Variants in ZNF286A observed in about 807,000 individuals in gnomAD.
ZNF286A encodes zinc finger protein ZNF286.
A neutral mutation model predicts 49.3 loss-of-function variants in ZNF286A; 34 were observed. The observed-to-expected ratio is 0.69, with a 90% CI of 0.52 to 0.92. The LOEUF (loss-of-function observed/expected upper bound fraction) is 0.92. Ranked by LOEUF, ZNF286A falls within the 40% of genes least tolerant of loss-of-function variation. The probability of loss-of-function intolerance (pLI) is 0.00; values close to 1 mark genes in which losing one functional copy is unlikely to be tolerated. For synonymous variants in ZNF286A, 155 were observed against 200.4 expected (o/e 0.77, Z 1.91); for missense variants, 462 against 600.2 (o/e 0.77, Z 2.41).
chr17:15,704,067 T>G (rs1989995148), intron 3 of ZNF286A, among the ~76,000 whole-genome samples: 1 of 109,174 alleles, frequency 9.2e-6, no homozygotes, highest in African/African-American at 4.3e-5. Flanking sequence ...ATTATTATTA[T>G]TTTTTTTTTT....
chr17:15,704,424 G>C, intron 3 of ZNF286A: 9 of 1,607,516 alleles, frequency 5.6e-6, no homozygotes, highest in South Asian at 1.1e-5. Context: ...CGCTGGGCCC[G>C]CCGGCGCCCC....
chr17:15,715,881 C>A lies in ZNF286A; in HGVS notation c.335-178C>A. 3 of 1,455,254 alleles carry A rather than the reference C, an allele frequency of 2.1e-6. No individual in the cohort carries two copies. In the South Asian group the frequency reaches 4.3e-5, roughly 21 times the overall value. 90.1% of individuals were successfully genotyped at this position (1,455,254 alleles called of 1,614,324 possible). ...GGATAGGATGTACTTATTTTCTCTG[C>A]ATAGTCTGAGCATTTGTTTCCCTCC... On this transcript the variant is annotated intron_variant, in intron 5 of 5. Coordinates refer to ENST00000583566, the MANE Select transcript of ZNF286A (RefSeq NM_001130842.2).
At position 15,720,190 on chromosome 17, in the gene ZNF286A, T is replaced by A. The variant is rs1025078452; in HGVS notation, c.*2900T>A. 1 of 152,108 alleles carries A rather than the reference T, an allele frequency of 6.6e-6. No homozygotes were observed. The highest frequency in any genetic ancestry group is 1.5e-5 in the Non-Finnish European group (1 of 68,028). 9.4% of individuals were successfully genotyped at this position (152,108 alleles called of 1,614,324 possible). A position where few individuals can be genotyped will look rare whatever the true frequency, so the allele number is the denominator to read the frequency against. Reference sequence around the variant, plus strand: ...ATAAATCATTGGCTTCTCATGAGGTTGTCATAAGGATTAAATAAGACAATG... The same window carrying A: ...ATAAATCATTGGCTTCTCATGAGGTAGTCATAAGGATTAAATAAGACAATG... On this transcript the variant is annotated 3_prime_UTR_variant, in exon 6 of 6. Coordinates refer to ENST00000583566, the MANE Select transcript of ZNF286A (RefSeq NM_001130842.2).
At chr17:15,709,215 T>C (rs1329573355) in intron 5 of ZNF286A, among the ~76,000 whole-genome samples, 1 of 149,638 alleles carries the variant, frequency 6.7e-6, no homozygotes, top group Non-Finnish European at 1.5e-5. Flanking sequence ...CTCAGCTGGG[T>C]GTGGTGACTC....
At chr17:15,704,490 G>A in intron 3 of ZNF286A, 3 of 1,613,898 alleles carry the variant, frequency 1.9e-6, no homozygotes, top group Non-Finnish European at 1.7e-6. Flanking sequence ...AGTTCTCCAA[G>A]AGCAGGCGGC....
intron 3 of ZNF286A, among the ~76,000 whole-genome samples, chr17:15,702,935 C>T (rs1032755533): frequency 3.3e-5 from 5 of 152,154 alleles, no homozygotes; most frequent in African/African-American, 1.2e-4. Flanking sequence ...AGTTTTTCTC[C>T]TAGTGTTGGC....
In ZNF286A at chr17:15,716,635, A is replaced by G; in HGVS notation, c.911A>G (p.Lys304Arg). The G allele has an allele frequency of 6.2e-7, 1 of 1,614,150 alleles. No individual in the cohort carries two copies. The highest frequency in any genetic ancestry group is 8.5e-7 in the Non-Finnish European group (1 of 1,180,006). The change falls in exon 6 of 6, where the codon AAG (lysine) becomes AGG (arginine). Residue 304 changes from lysine to arginine, a missense_variant. Transcript: ENST00000583566. ...ATTCTCTTTGAATGCAGTGAATGCA[A>G]GAAAACCTTCACAGAAAGCTCATCC... ...TRILFECSEC[K>R]KTFTESSSLA...
chr17:15,704,442 C>G (rs1990042200), intron 3 of ZNF286A: 1 of 1,610,838 alleles, frequency 6.2e-7, no homozygotes, highest in African/African-American at 1.3e-5. Context: ...CCCCGTGGAT[C>G]TCTGTGAGCA....
chr17:15,704,773 A>C, intron 3 of ZNF286A: 1 of 1,613,958 alleles, frequency 6.2e-7, no homozygotes. Flanking sequence ...GGTGACCTGG[A>C]GGTCGGTGAG....
rs1322523566 is a variant in ZNF286A at position 15,719,066 on chromosome 17, A to G, written c.*1776A>G. On this transcript the variant is annotated 3_prime_UTR_variant, in exon 6 of 6. Transcript: ENST00000583566. The stretch of plus-strand genomic sequence containing the variant: ...GTCCAGTCACCTTGCACCAGGCCCC[A>G]CCTCCCACATTGGGGATTACAATTA... 4 of 113,164 alleles carry G rather than the reference A, an allele frequency of 3.5e-5. No individual in the cohort carries two copies. The Admixed American group carries it at 3.7e-4, about 10-fold the overall frequency. 7.0% of individuals were successfully genotyped at this position (113,164 alleles called of 1,614,324 possible).
At chr17:15,708,719 T>A (rs1460680897) in intron 5 of ZNF286A, among the ~76,000 whole-genome samples, 1 of 152,220 alleles carries the variant, frequency 6.6e-6, no homozygotes, top group African/African-American at 2.4e-5. Context: ...GTATATACTC[T>A]TGTGTCTGGC....
At chr17:15,704,328 A>AGCCCCTCC in intron 3 of ZNF286A, 1 of 1,610,818 alleles carries the variant, frequency 6.2e-7, no homozygotes, top group Non-Finnish European at 8.5e-7. Flanking sequence ...TGGGACCCTC[A>AGCCCCTCC]GCCCCTCCCA....
chr17:15,716,039 G>C lies in ZNF286A; in HGVS notation c.335-20G>C. The C allele has an allele frequency of 6.2e-7, 1 of 1,613,820 alleles. No homozygotes were observed. Among genetic ancestry groups the C allele is most frequent in the South Asian group, 1.1e-5 (1 of 91,060 alleles). ...TGAGCACAGAAAACGAAGGAAATTT[G>C]CATTTCCAATGTCTTTCAGACATGG... On this transcript the variant is annotated intron_variant, in intron 5 of 5. Transcript: ENST00000583566.
At chr17:15,704,913 C>CCGGGGG (rs1990093436) in intron 3 of ZNF286A, 1 of 1,581,570 alleles carries the variant, frequency 6.3e-7, no homozygotes, top group Non-Finnish European at 8.6e-7. Context: ...CTGCGGCCGG[C>CCGGGGG]CGGGGGCGGG....
chr17:15,704,209 G>T (rs1232532365), intron 3 of ZNF286A: 42 of 1,546,838 alleles, frequency 2.7e-5, no homozygotes, highest in Non-Finnish European at 3.2e-5. Flanking sequence ...TTGGGGTCAC[G>T]GTGGAAGGAG....
chr17:15,712,184 T>A (rs1597726277), intron 5 of ZNF286A, among the ~76,000 whole-genome samples: 1 of 152,222 alleles, frequency 6.6e-6, no homozygotes, highest in African/African-American at 2.4e-5. Flanking sequence ...AATCTCCCTA[T>A]TTTTAACTGT....
At chr17:15,705,294 C>T (rs1597711987) in intron 3 of ZNF286A, among the ~76,000 whole-genome samples, 1 of 152,230 alleles carries the variant, frequency 6.6e-6, no homozygotes, top group African/African-American at 2.4e-5. Flanking sequence ...ATACTATAAC[C>T]TACTGACCTT....
intron 4 of ZNF286A, among the ~76,000 whole-genome samples, chr17:15,707,671 G>C (rs1371753734): frequency 6.6e-6 from 1 of 152,058 alleles, no homozygotes; most frequent in Non-Finnish European, 1.5e-5. Flanking sequence ...GAAAATATTT[G>C]TATTTTCCAA....
intron 3 of ZNF286A, among the ~76,000 whole-genome samples, chr17:15,702,396 T>A (rs1330593224): frequency 6.6e-6 from 1 of 151,084 alleles, no homozygotes; most frequent in African/African-American, 2.4e-5. Flanking sequence ...GCACTTGTAA[T>A]CCCAGCTACT....
Sources: allele counts gnomAD v4.1 joint callset (sites outside exome capture counted in the v4.1 genomes callset), GRCh38; gene constraint gnomAD v4.1.1; transcripts MANE v1.5; gene names NCBI Gene and HGNC (gene_info 2026-07-23, HGNC 2026-07-21).